GAB1: variants seen among roughly 807,000 people sequenced by gnomAD.
The protein encoded by GAB1 is GRB2 associated binding protein 1.
A neutral mutation model predicts 66.5 loss-of-function variants in GAB1; 19 were observed. The ratio of observed to expected loss-of-function variants is 0.29; its 90% CI spans 0.20 to 0.42. GAB1 has a LOEUF of 0.42. Among genes scored for constraint, GAB1 ranks in the 10% least tolerant of loss-of-function variants. The pLI is 1.00. For missense variants in GAB1, 732 were observed against 858.5 expected (o/e 0.85, Z 1.84); for synonymous variants, 294 against 301.4 (o/e 0.98, Z 0.25).
At chr4:143,406,865 A>G (rs749522620) in intron 1 of GAB1, among the ~76,000 whole-genome samples, 7 of 152,242 alleles carry the variant, frequency 4.6e-5, no homozygotes, top group Non-Finnish European at 8.8e-5. Context: ...CACAGCCCCA[A>G]CAATTGGGAA....
At chr4:143,398,857 C>T (rs1731595561) in intron 1 of GAB1, among the ~76,000 whole-genome samples, 1 of 151,714 alleles carries the variant, frequency 6.6e-6, no homozygotes, top group Admixed American at 6.6e-5. Context: ...CTCAGGAGTT[C>T]GAGACCAACC....
intron 6 of GAB1, among the ~76,000 whole-genome samples, chr4:143,455,326 G>A (rs1735125988): frequency 6.6e-6 from 1 of 152,192 alleles, no homozygotes; most frequent in Admixed American, 6.5e-5. Context: ...GATAATTGGA[G>A]ATAACCTGTC....
At chr4:143,433,317 A>T (rs1280022009) in intron 2 of GAB1, among the ~76,000 whole-genome samples, 174 bp from the exon 3 acceptor site, 1 of 152,216 alleles carries the variant, frequency 6.6e-6, no homozygotes, top group African/African-American at 2.4e-5. Flanking sequence ...TTTGACAAGA[A>T]TAAAAAAATA....
chr4:143,368,349 A>G (rs3805253), intron 1 of GAB1, among the ~76,000 whole-genome samples: 76,845 of 151,932 alleles, frequency 0.51, 20,370 homozygotes, highest in African/African-American at 0.66. Flanking sequence ...CTTCATAACA[A>G]TTGTCAGTTT....
intron 1 of GAB1, among the ~76,000 whole-genome samples, chr4:143,359,385 ATTT>A (rs1729572408): frequency 6.6e-6 from 1 of 152,296 alleles, no homozygotes; most frequent in East Asian, 1.9e-4. Flanking sequence ...CCACGGAAGC[ATTT>A]TTATCTGTCT....
In GAB1 at chr4:143,337,198, G is replaced by A. The variant is rs1450393119; in HGVS notation, c.10G>A (p.Gly4Ser). Reference sequence around the variant, plus strand: ...CCGAGACGCGCGCACCATGAGCGGTGGTGAAGTGGTCTGCTCCGGATGGCT... The same window carrying A: ...CCGAGACGCGCGCACCATGAGCGGTAGTGAAGTGGTCTGCTCCGGATGGCT... MSGGEVVCSGWLRK... is the reference protein window; with the variant it reads MSGSEVVCSGWLRK... The change falls in exon 1 of 10, where the codon GGT becomes AGT. Residue 4 changes from glycine (G) to serine (S), a missense_variant. Physicochemically the swap from Gly to Ser is moderately conservative, Grantham distance 56. This residue lies in a region of GAB1 where 35 missense variants were observed against 30.8 expected (regional missense o/e 1.13). Transcript: ENST00000262994. 4 of 1,582,110 alleles carry A rather than the reference G, an allele frequency of 2.5e-6. No individual in the cohort carries two copies. In the South Asian group the frequency reaches 4.6e-5, roughly 18 times the overall value.
At chr4:143,362,257 C>T (rs1376724512) in intron 1 of GAB1, among the ~76,000 whole-genome samples, 1 of 152,082 alleles carries the variant, frequency 6.6e-6, no homozygotes, top group Non-Finnish European at 1.5e-5. Context: ...TATAACAGAA[C>T]CCATAGTTTC....
At position 143,349,648 on chromosome 4, in the gene GAB1, C is replaced by T. The variant is rs947808835; in HGVS notation, c.72+12388C>T. 5 of 1,479,998 alleles carry T rather than the reference C, an allele frequency of 3.4e-6. No individual in the cohort carries two copies. The Admixed American group carries it at 5.6e-5, about 16-fold the overall frequency. The allele number at this position is 1,479,998 out of a possible 1,614,324, so 91.7% of individuals were successfully genotyped here. On this transcript the variant is annotated intron_variant, in intron 1 of 9. Coordinates refer to ENST00000262994, the MANE Select transcript of GAB1 (RefSeq NM_002039.4). ...GTGGGGCTTGCCGATCTTGTTCCCCCAGTAGCCTCTGTGCACGGGGACAAT... is the reference window on the plus strand; with the variant it reads ...GTGGGGCTTGCCGATCTTGTTCCCCTAGTAGCCTCTGTGCACGGGGACAAT...
intron 3 of GAB1, among the ~76,000 whole-genome samples, chr4:143,435,559 A>G (rs1407921936): frequency 6.6e-6 from 1 of 152,220 alleles, no homozygotes; most frequent in East Asian, 1.9e-4. Flanking sequence ...ACTTATGCTC[A>G]AAATCATCAC....
At chr4:143,388,626 G>A (rs1731030694) in intron 1 of GAB1, among the ~76,000 whole-genome samples, 1 of 152,090 alleles carries the variant, frequency 6.6e-6, no homozygotes, top group Admixed American at 6.6e-5. Flanking sequence ...TGTTGGCCAG[G>A]CTGGTCTCGA....
chr4:143,452,223 C>T (rs1225739272), intron 6 of GAB1, among the ~76,000 whole-genome samples: 2 of 152,118 alleles, frequency 1.3e-5, no homozygotes, highest in South Asian at 2.1e-4. Flanking sequence ...GGATTACAGG[C>T]GTAGCCACTG....
intron 1 of GAB1, among the ~76,000 whole-genome samples, chr4:143,414,623 C>A (rs964766482): frequency 6.6e-6 from 1 of 152,050 alleles, no homozygotes; most frequent in African/African-American, 2.4e-5. Context: ...AGTCAAGAAG[C>A]CAGAAAAGCT....
intron 6 of GAB1, among the ~76,000 whole-genome samples, chr4:143,457,234 C>T (rs1314918150): frequency 1.3e-5 from 2 of 152,152 alleles, no homozygotes; most frequent in African/African-American, 2.4e-5. Flanking sequence ...CGTAGGCCTT[C>T]GGGCTTTCAT....
intron 1 of GAB1, among the ~76,000 whole-genome samples, chr4:143,373,494 A>C (rs1410973973): frequency 6.6e-6 from 1 of 152,134 alleles, no homozygotes; most frequent in East Asian, 1.9e-4. Flanking sequence ...TACAGTCTTC[A>C]TTTCATGATG....
intron 1 of GAB1, among the ~76,000 whole-genome samples, chr4:143,379,253 G>A (rs1357970378): frequency 2.0e-5 from 3 of 152,170 alleles, no homozygotes; most frequent in Non-Finnish European, 4.4e-5. Context: ...CAGGAAACAG[G>A]CAGAGCAATA....
At chr4:143,408,508 T>C (rs1732186370) in intron 1 of GAB1, among the ~76,000 whole-genome samples, 1 of 152,186 alleles carries the variant, frequency 6.6e-6, no homozygotes, top group Non-Finnish European at 1.5e-5. Context: ...CAAATGGAAG[T>C]ATATACCATG....
chr4:143,454,475 G>T (rs1735080466), intron 6 of GAB1, among the ~76,000 whole-genome samples: 1 of 152,234 alleles, frequency 6.6e-6, no homozygotes, highest in South Asian at 2.1e-4. Flanking sequence ...ATTAGAAAGA[G>T]AAATCTTAAG....
intron 1 of GAB1, among the ~76,000 whole-genome samples, chr4:143,338,196 C>G (rs576414910): frequency 2.0e-5 from 3 of 152,164 alleles, no homozygotes; most frequent in Non-Finnish European, 4.4e-5. Flanking sequence ...TCTTATTCTT[C>G]CTCCCCATTG....
intron 1 of GAB1, among the ~76,000 whole-genome samples, chr4:143,397,976 A>G (rs896794580): frequency 3.9e-5 from 6 of 152,224 alleles, no homozygotes; most frequent in Non-Finnish European, 5.9e-5. Flanking sequence ...AGATAGATGT[A>G]GGCTCATTCC....
Sources: gnomAD v4.1 joint callset for allele counts (sites outside exome capture counted in the v4.1 genomes callset) on GRCh38, gnomAD v4.1.1 for gene constraint, gnomAD v4.1.1 regional missense constraint, MANE v1.5 for transcripts, NCBI Gene and HGNC (gene_info 2026-07-23, HGNC 2026-07-21) for gene names.